The following AGBL1 variants were observed in gnomAD, a reference collection of about 807,000 sequenced individuals.
The protein encoded by AGBL1 is AGBL carboxypeptidase 1, also known as cytosolic carboxypeptidase 4.
Under a neutral mutation model 118.9 loss-of-function variants are expected in AGBL1, and 130 were observed. That is an observed-to-expected ratio of 1.09 (90% CI 0.95 to 1.26). AGBL1 has a LOEUF of 1.26. Ranked by LOEUF, AGBL1 falls within the 50% of genes most tolerant of loss-of-function variation. AGBL1 has a pLI of 0.00. For missense variants in AGBL1, 1,584 were observed against 1,298.1 expected (o/e 1.22, Z -3.38); for synonymous variants, 555 against 478.9 (o/e 1.16, Z -2.08).
chr15:86,645,351 C>T (rs1870336225), intron 21 of AGBL1, among the ~76,000 whole-genome samples: 1 of 152,066 alleles, frequency 6.6e-6, no homozygotes. Flanking sequence ...GGTTGGTGTC[C>T]ATTGTATTGT....
chr15:86,414,783 T>C (rs1324546653), intron 18 of AGBL1, among the ~76,000 whole-genome samples: 1 of 152,168 alleles, frequency 6.6e-6, no homozygotes, highest in Non-Finnish European at 1.5e-5. Flanking sequence ...TTCCCCAGGC[T>C]TTTAACTGAG....
intron 17 of AGBL1, among the ~76,000 whole-genome samples, chr15:86,380,264 C>T (rs930030195): frequency 9.7e-5 from 4 of 41,028 alleles, no homozygotes; most frequent in East Asian, 2.4e-3. Context: ...TCCCTTTCTT[C>T]CTTCCTTCCT....
chr15:86,713,624 A>G (rs2086594236), intron 22 of AGBL1, among the ~76,000 whole-genome samples: 1 of 152,158 alleles, frequency 6.6e-6, no homozygotes, highest in Non-Finnish European at 1.5e-5. Flanking sequence ...GATCTAATAG[A>G]AGACAGAACT....
chr15:86,931,086 G>T (rs1265702927), intron 23 of AGBL1, among the ~76,000 whole-genome samples: 1 of 152,140 alleles, frequency 6.6e-6, no homozygotes, highest in Non-Finnish European at 1.5e-5. Context: ...GGCCTGGAAG[G>T]AGTCATCCTC....
Position 86,829,963 on chromosome 15 carries a change from C to T in AGBL1, c.3159-77124C>T, listed in dbSNP as rs1290917698. Among the ~76,000 whole-genome samples, 9 of 152,186 alleles carry T rather than the reference C, an allele frequency of 5.9e-5. No individual in the cohort carries two copies. In the South Asian group the frequency reaches 1.7e-3, roughly 28 times the overall value. On this transcript the variant is annotated intron_variant, in intron 22 of 22. Transcript: ENST00000614907. The stretch of plus-strand genomic sequence containing the variant: ...AGCCAAGAATGCTGCTACACATTTT[C>T]ACACACCCCCAGGAGGGTATTTAGT...
chr15:86,451,876 A>G (rs924898394), intron 18 of AGBL1, among the ~76,000 whole-genome samples: 25 of 152,012 alleles, frequency 1.6e-4, no homozygotes, highest in Non-Finnish European at 2.9e-4. Context: ...AAAACCTTCC[A>G]TCATTTCTAA....
At chr15:86,723,929 T>C (rs1480214669) in intron 22 of AGBL1, among the ~76,000 whole-genome samples, 2 of 151,856 alleles carry the variant, frequency 1.3e-5, no homozygotes, top group Non-Finnish European at 1.5e-5. Flanking sequence ...GGGAGTAAGA[T>C]GACTAAATCA....
At chr15:86,980,336 G>T (rs750343764) in intron 23 of AGBL1, among the ~76,000 whole-genome samples, 5 of 152,272 alleles carry the variant, frequency 3.3e-5, no homozygotes, top group Non-Finnish European at 7.4e-5. Context: ...TTAATGTTCT[G>T]TTTGAATGGG....
chr15:86,129,468 T>A (rs2076791086), intron 1 of AGBL1, among the ~76,000 whole-genome samples: 1 of 152,212 alleles, frequency 6.6e-6, no homozygotes, highest in Non-Finnish European at 1.5e-5. Context: ...ACAGGGAGAT[T>A]TTTATTCCTT....
intron 18 of AGBL1, among the ~76,000 whole-genome samples, chr15:86,441,850 C>G (rs2082068260): frequency 6.6e-6 from 1 of 152,184 alleles, no homozygotes. Flanking sequence ...AGCCCAGCAG[C>G]CTGGTGTCCA....
rs2080296486 is a variant in AGBL1, at chr15:86,907,482, A to T, written c.*188A>T. 1 of 152,168 alleles carries T rather than the reference A, an allele frequency of 6.6e-6. No individual in the cohort carries two copies. The highest frequency in any genetic ancestry group is 2.4e-5 in the African/African-American group (1 of 41,424). 9.4% of individuals were successfully genotyped at this position (152,168 alleles called of 1,614,324 possible). A position where few individuals can be genotyped will look rare whatever the true frequency, so the allele number is the denominator to read the frequency against. ...TATGCGTAGAAGCTAGCCACTTTAT[A>T]ACATTTTATATTAGAGTTAGGTAGC... On this transcript the variant is annotated 3_prime_UTR_variant, in exon 23 of 23. Coordinates refer to ENST00000614907, the MANE Select transcript of AGBL1 (RefSeq NM_001386094.1).
chr15:86,663,577 G>A (rs2085585222), intron 21 of AGBL1, among the ~76,000 whole-genome samples: 1 of 152,064 alleles, frequency 6.6e-6, no homozygotes, highest in Non-Finnish European at 1.5e-5. Context: ...GAGGGAGGCA[G>A]GCTGTTGTTG....
intron 19 of AGBL1, among the ~76,000 whole-genome samples, chr15:86,530,266 C>A (rs971127929): frequency 1.7e-5 from 2 of 115,052 alleles, no homozygotes; most frequent in Non-Finnish European, 3.3e-5. Context: ...GGAGGAAGAT[C>A]TACCAAGCCA....
At chr15:86,092,620 T>A (rs1183231879) in intron 1 of AGBL1, among the ~76,000 whole-genome samples, 1 of 152,144 alleles carries the variant, frequency 6.6e-6, no homozygotes, top group Non-Finnish European at 1.5e-5. Context: ...TGTGCTGCAG[T>A]AACAGAGTAC....
At chr15:86,864,771 G>A (rs146168084) in intron 22 of AGBL1, among the ~76,000 whole-genome samples, 109 of 152,304 alleles carry the variant, frequency 7.2e-4, no homozygotes, top group Middle Eastern at 3.4e-3. Context: ...CAGGAGCTAG[G>A]CGTCAGGAGT....
In AGBL1 at chr15:86,907,146, A is replaced by G. The variant is rs2080291713; in HGVS notation, c.3218A>G (p.Glu1073Gly). Reference protein sequence around the residue: ...SELEDEPACLEEIDYSTDNSS... With the variant: ...SELEDEPACLGEIDYSTDNSS... ...CTGGAGGATGAACCTGCCTGCTTGGAGGAGATTGATTACAGTACCGACAAC... is the reference window on the plus strand; with the variant it reads ...CTGGAGGATGAACCTGCCTGCTTGGGGGAGATTGATTACAGTACCGACAAC... The change falls in exon 23 of 23, where the codon GAG becomes GGG. Residue 1073 changes from glutamate (E) to glycine (G), a missense_variant. Physicochemically the swap from Glu to Gly is moderately conservative, Grantham distance 98. Coordinates refer to ENST00000614907, the MANE Select transcript of AGBL1 (RefSeq NM_001386094.1). 1 of 152,040 alleles carries G rather than the reference A, an allele frequency of 6.6e-6. No individual in the cohort carries two copies. The highest frequency in any genetic ancestry group is 2.4e-5 in the African/African-American group (1 of 41,336). 9.4% of individuals were successfully genotyped at this position (152,040 alleles called of 1,614,324 possible).
At chr15:86,251,164 T>G (rs2078809244) in intron 7 of AGBL1, among the ~76,000 whole-genome samples, 1 of 152,196 alleles carries the variant, frequency 6.6e-6, no homozygotes, top group Admixed American at 6.5e-5. Flanking sequence ...TCCCTTTTTA[T>G]AGATGAAGAA....
intron 17 of AGBL1, among the ~76,000 whole-genome samples, chr15:86,351,244 A>G (rs946189706): frequency 2.6e-5 from 4 of 152,148 alleles, no homozygotes; most frequent in African/African-American, 7.2e-5. Flanking sequence ...GAGAGAGGCA[A>G]AAGGGGGCTG....
chr15:86,904,651 T>C (rs2080257528), intron 22 of AGBL1, among the ~76,000 whole-genome samples: 1 of 148,292 alleles, frequency 6.7e-6, no homozygotes, highest in Non-Finnish European at 1.5e-5. Context: ...AATAAATGTA[T>C]GTTATTATAT....
Sources: allele counts gnomAD v4.1 joint callset (sites outside exome capture counted in the v4.1 genomes callset), GRCh38; gene constraint gnomAD v4.1.1; transcripts MANE v1.5; gene names NCBI Gene and HGNC (gene_info 2026-07-23, HGNC 2026-07-21).